Variants in KCNMA1 observed in about 807,000 individuals in gnomAD.
The protein encoded by KCNMA1 is potassium calcium-activated channel subfamily M alpha 1.
Under a neutral mutation model 140.0 loss-of-function variants are expected in KCNMA1, and 29 were observed. That is an observed-to-expected ratio of 0.21 (90% CI 0.15 to 0.28). The LOEUF is 0.28. Ranked by LOEUF, KCNMA1 falls within the 10% of genes least tolerant of loss-of-function variation. The pLI, the probability that KCNMA1 is intolerant of heterozygous loss-of-function variation, is 1.00. For synonymous variants in KCNMA1, 612 were observed against 611.9 expected (o/e 1.00, Z 0.00); for missense variants, 880 against 1,602.2 (o/e 0.55, Z 7.70).
At chr10:77,022,082 A>C (rs1470880102) in intron 16 of KCNMA1, among the ~76,000 whole-genome samples, 2 of 152,188 alleles carry the variant, frequency 1.3e-5, no homozygotes, top group Non-Finnish European at 2.9e-5. Flanking sequence ...TACTATCTTT[A>C]GAATTCGTTA....
At chr10:77,382,988 G>GTATATATA (rs2095470217) in intron 2 of KCNMA1, among the ~76,000 whole-genome samples, 19 of 44,968 alleles carry the variant, frequency 4.2e-4, no homozygotes, top group African/African-American at 2.2e-3. Context: ...GTGTGTGTGT[G>GTATATATA]TGTGTGTATA....
chr10:76,884,898 T>G lies in KCNMA1; in HGVS notation c.*2368A>C, dbSNP rs2036170197. On this transcript the variant is annotated 3_prime_UTR_variant, in exon 28 of 28. Transcript: ENST00000286628. ...AGAATAAAATTTGTAACTCCTTTTT[T>G]TTTAATTTCACAAAAGTTTTCACAA... 22 of 1,439,040 alleles carry G rather than the reference T, an allele frequency of 1.5e-5. No individual in the cohort carries two copies. The South Asian group carries it at 2.0e-4, about 13-fold the overall frequency. 89.1% of individuals were successfully genotyped at this position (1,439,040 alleles called of 1,614,324 possible). A position where few individuals can be genotyped will look rare whatever the true frequency, so the allele number is the denominator to read the frequency against.
intron 15 of KCNMA1, chr10:77,039,256 C>T (rs2094515194): frequency 1.9e-6 from 1 of 530,324 alleles, no homozygotes; most frequent in South Asian, 2.1e-5. Flanking sequence ...AGAAGGCATG[C>T]AGGATAACTG....
At chr10:77,312,899 G>T (rs2079726918) in intron 2 of KCNMA1, among the ~76,000 whole-genome samples, 1 of 152,136 alleles carries the variant, frequency 6.6e-6, no homozygotes, top group Non-Finnish European at 1.5e-5. Context: ...CCCCTTTTCT[G>T]GAGTATACAA....
intron 23 of KCNMA1, among the ~76,000 whole-genome samples, chr10:76,928,220 TTAAA>T (rs1390443767): frequency 1.3e-5 from 2 of 151,224 alleles, no homozygotes; most frequent in African/African-American, 2.4e-5. Flanking sequence ...GCTACGGGAC[TTAAA>T]TAAGCACCAG....
chr10:77,565,105 G>A (rs1256045861), intron 1 of KCNMA1, among the ~76,000 whole-genome samples: 1 of 152,140 alleles, frequency 6.6e-6, no homozygotes, highest in African/African-American at 2.4e-5. Context: ...CCCATCAAGG[G>A]CCACTCTCAG....
chr10:77,038,009 C>T (rs1451511614), intron 15 of KCNMA1, among the ~76,000 whole-genome samples: 2 of 152,100 alleles, frequency 1.3e-5, no homozygotes, highest in Non-Finnish European at 2.9e-5. Flanking sequence ...TAACTCCTTC[C>T]GAATCAATTA....
At chr10:77,602,991 C>T (rs1466286523) in intron 1 of KCNMA1, among the ~76,000 whole-genome samples, 2 of 152,182 alleles carry the variant, frequency 1.3e-5, no homozygotes, top group Non-Finnish European at 2.9e-5. Context: ...GAAGCCGGGG[C>T]TGGCAGGAAG....
intron 3 of KCNMA1, among the ~76,000 whole-genome samples, chr10:77,229,196 T>C (rs997822641): frequency 2.0e-5 from 3 of 152,040 alleles, no homozygotes; most frequent in African/African-American, 7.2e-5. Context: ...GAATCTCTAG[T>C]TCAATGGTTA....
intron 15 of KCNMA1, among the ~76,000 whole-genome samples, chr10:77,032,079 C>T (rs914258299): frequency 6.6e-6 from 1 of 152,124 alleles, no homozygotes; most frequent in Non-Finnish European, 1.5e-5. Context: ...TAGTGATATG[C>T]TCTGGGAATC....
intron 2 of KCNMA1, among the ~76,000 whole-genome samples, chr10:77,333,789 T>C (rs1394533255): frequency 1.3e-5 from 2 of 152,230 alleles, no homozygotes; most frequent in Non-Finnish European, 2.9e-5. Flanking sequence ...GCTGAAGTGT[T>C]GCCTAATTGA....
At chr10:77,134,935 T>C (rs746542753) in intron 5 of KCNMA1, among the ~76,000 whole-genome samples, 18 of 127,566 alleles carry the variant, frequency 1.4e-4, no homozygotes, top group Admixed American at 4.0e-4. Context: ...GAGGTGGAGA[T>C]TGCAGTGAGC....
At chr10:77,154,778 C>T (rs558982765) in intron 5 of KCNMA1, among the ~76,000 whole-genome samples, 7 of 152,328 alleles carry the variant, frequency 4.6e-5, no homozygotes, top group Non-Finnish European at 8.8e-5. Flanking sequence ...AAGTAGGTTA[C>T]GGCCTAGTAG....
At chr10:76,981,443 C>T (rs1278517005) in intron 19 of KCNMA1, among the ~76,000 whole-genome samples, 6 of 152,202 alleles carry the variant, frequency 3.9e-5, no homozygotes, top group Admixed American at 3.9e-4. Flanking sequence ...GACAGAGGAA[C>T]CCCACTGTTT....
intron 5 of KCNMA1, among the ~76,000 whole-genome samples, chr10:77,154,531 T>C (rs1306808069): frequency 2.6e-5 from 4 of 152,186 alleles, no homozygotes; most frequent in Non-Finnish European, 5.9e-5. Context: ...GAAAGACTGT[T>C]GCCTGAATAA....
At chr10:77,137,402 G>A (rs1009354728) in intron 5 of KCNMA1, among the ~76,000 whole-genome samples, 1 of 152,156 alleles carries the variant, frequency 6.6e-6, no homozygotes, top group African/African-American at 2.4e-5. Context: ...TTTTTGTGGT[G>A]TCTGACAAGG....
chr10:77,039,715 G>T, intron 14 of KCNMA1, 78 bp from the exon 15 acceptor site: 1 of 877,778 alleles, frequency 1.1e-6, no homozygotes, highest in South Asian at 1.4e-5. Context: ...TACACTCTTA[G>T]GCAAACAAAT....
chr10:77,255,886 C>G (rs1377081031), intron 2 of KCNMA1, among the ~76,000 whole-genome samples: 1 of 146,970 alleles, frequency 6.8e-6, no homozygotes, highest in Non-Finnish European at 1.5e-5. Context: ...GCACTCCAGC[C>G]TGGGCAACAG....
chr10:77,518,806 G>A (rs936375630), intron 1 of KCNMA1, among the ~76,000 whole-genome samples: 5 of 152,182 alleles, frequency 3.3e-5, no homozygotes, highest in African/African-American at 1.2e-4. Flanking sequence ...TGCCATCAAA[G>A]ACAATAGGTC....
Sources: gnomAD v4.1 joint callset for allele counts (sites outside exome capture counted in the v4.1 genomes callset) on GRCh38, gnomAD v4.1.1 for gene constraint, MANE v1.5 for transcripts, NCBI Gene and HGNC (gene_info 2026-07-23, HGNC 2026-07-21) for gene names.